Variants in DLGAP1 observed in about 807,000 individuals in gnomAD.
DLGAP1 encodes the protein DLG associated protein 1.
DLGAP1 carries 11 observed loss-of-function variants against 90.8 expected under a neutral mutation model. The ratio of observed to expected loss-of-function variants is 0.12; its 90% CI spans 0.08 to 0.20. DLGAP1 has a LOEUF of 0.20. Among genes scored for constraint, DLGAP1 ranks in the 10% least tolerant of loss-of-function variants. The pLI is 1.00. For synonymous variants in DLGAP1, 558 were observed against 540.7 expected, an observed-to-expected ratio of 1.03 and a Z score of -0.44; for missense variants, 1,050 against 1,333.8, an observed-to-expected ratio of 0.79 and a Z score of 3.31.
chr18:3,870,500 CA>C (rs1399291712), intron 4 of DLGAP1, among the ~76,000 whole-genome samples: 1 of 152,150 alleles, frequency 6.6e-6, no homozygotes, highest in Non-Finnish European at 1.5e-5. Flanking sequence ...CTATTCCTCT[CA>C]GATTTGCTGC....
chr18:4,191,684 T>C (rs1481171995), intron 1 of DLGAP1, among the ~76,000 whole-genome samples: 6 of 152,210 alleles, frequency 3.9e-5, no homozygotes, highest in African/African-American at 1.4e-4. Context: ...CTGTGGCTAA[T>C]TGTCCCCCAT....
intron 4 of DLGAP1, among the ~76,000 whole-genome samples, chr18:3,858,335 G>T (rs932543516): frequency 6.6e-6 from 1 of 151,858 alleles, no homozygotes; most frequent in Non-Finnish European, 1.5e-5. Flanking sequence ...CTCCTCCCAG[G>T]TTGGTGAGAG....
At chr18:4,369,409 T>C (rs1044594646) in intron 1 of DLGAP1, among the ~76,000 whole-genome samples, 2 of 152,202 alleles carry the variant, frequency 1.3e-5, no homozygotes, top group African/African-American at 4.8e-5. Context: ...CGGATTATAA[T>C]TGTAATCAAG....
chr18:3,691,914 T>G (rs769634522), intron 7 of DLGAP1, among the ~76,000 whole-genome samples: 339 of 152,102 alleles, frequency 2.2e-3, no homozygotes, highest in Admixed American at 4.9e-3. Flanking sequence ...AGCAAGACCC[T>G]GTCTCAAAAA....
rs180980970 is a variant in DLGAP1, at chr18:4,231,558, A to G, written c.-266-80271T>C. ...TAAAGACTACCACTCCCACTGTGTG[A>G]TCTCTCTGTTAGAGCTCTAGCCCTC... On this transcript the variant is annotated intron_variant, in intron 1 of 12. Transcript: ENST00000315677. Among the ~76,000 whole-genome samples, 133 of 152,194 alleles carry G rather than the reference A, an allele frequency of 8.7e-4. 5 individuals carry two copies. Among genetic ancestry groups the G allele is most frequent in the Admixed American group, 7.4e-3 (113 of 15,270 alleles).
chr18:3,946,052 C>T (rs1301269187), intron 3 of DLGAP1, among the ~76,000 whole-genome samples: 2 of 151,524 alleles, frequency 1.3e-5, no homozygotes, highest in African/African-American at 4.8e-5. Context: ...TGGTAGAAAG[C>T]TATCATAGGT....
At chr18:4,435,814 C>T (rs545256155) in intron 1 of DLGAP1, among the ~76,000 whole-genome samples, 88 of 152,280 alleles carry the variant, frequency 5.8e-4, no homozygotes, top group Admixed American at 4.8e-3. Flanking sequence ...AACTGCAAAA[C>T]ATTCAAAGCC....
chr18:4,179,105 C>T (rs2077165088), intron 1 of DLGAP1, among the ~76,000 whole-genome samples: 1 of 152,106 alleles, frequency 6.6e-6, no homozygotes, highest in East Asian at 1.9e-4. Flanking sequence ...GACAACAAAG[C>T]AGAGATTAAA....
intron 2 of DLGAP1, among the ~76,000 whole-genome samples, chr18:4,124,213 G>C (rs1389803655): frequency 6.6e-6 from 1 of 152,080 alleles, no homozygotes; most frequent in African/African-American, 2.4e-5. Context: ...CTTGTAATAT[G>C]CTTTCTCCTA....
At chr18:4,168,379 C>T (rs1385411754) in intron 1 of DLGAP1, among the ~76,000 whole-genome samples, 1 of 152,136 alleles carries the variant, frequency 6.6e-6, no homozygotes, top group Non-Finnish European at 1.5e-5. Context: ...AATTAACCAT[C>T]TATAAGCAAA....
intron 1 of DLGAP1, among the ~76,000 whole-genome samples, chr18:4,305,472 TGCAGTGA>T (rs541428995): frequency 0.25 from 36,061 of 145,310 alleles, 6,427 homozygotes; most frequent in African/African-American, 0.51. Flanking sequence ...AGGTGGAGGC[TGCAGTGA>T]GCCGAGATCG....
intron 1 of DLGAP1, among the ~76,000 whole-genome samples, chr18:4,273,539 C>G (rs1049067182): frequency 2.0e-5 from 3 of 152,312 alleles, no homozygotes; most frequent in African/African-American, 7.2e-5. Flanking sequence ...AACTCCCGGG[C>G]TCAAGCAATC....
intron 1 of DLGAP1, among the ~76,000 whole-genome samples, chr18:4,224,869 G>C (rs979826376): frequency 1.8e-4 from 27 of 152,132 alleles, no homozygotes; most frequent in African/African-American, 6.5e-4. Flanking sequence ...TAGCAAGAAA[G>C]TATTTACAGT....
chr18:3,548,069 T>A (rs79256100), intron 9 of DLGAP1, among the ~76,000 whole-genome samples: 2,497 of 152,244 alleles, frequency 0.016, 72 homozygotes, highest in African/African-American at 0.057. Context: ...AGCAAACCGA[T>A]TAGCAGTTAC....
At chr18:3,867,507 C>T (rs2070473167) in intron 4 of DLGAP1, among the ~76,000 whole-genome samples, 1 of 152,100 alleles carries the variant, frequency 6.6e-6, no homozygotes, top group Non-Finnish European at 1.5e-5. Context: ...AAATTAACCA[C>T]TGGTATGGGT....
At chr18:3,624,685 A>C (rs2058226078) in intron 7 of DLGAP1, among the ~76,000 whole-genome samples, 2 of 152,180 alleles carry the variant, frequency 1.3e-5, no homozygotes, top group African/African-American at 4.8e-5. Flanking sequence ...AGAAATCCCC[A>C]AAAGTCATGA....
chr18:4,368,772 G>A (rs908551843), intron 1 of DLGAP1, among the ~76,000 whole-genome samples: 1 of 22,612 alleles, frequency 4.4e-5, no homozygotes, highest in Non-Finnish European at 1.2e-4. Context: ...ATTACTAAAG[G>A]TTTTAAATAA....
chr18:3,978,535 T>C (rs912578007), intron 3 of DLGAP1: 3 of 239,186 alleles, frequency 1.3e-5, no homozygotes, highest in African/African-American at 2.3e-5. Flanking sequence ...CAATATCCAC[T>C]TTACCAGAGT....
intron 5 of DLGAP1, among the ~76,000 whole-genome samples, chr18:3,790,903 G>A (rs1270542769): frequency 6.6e-6 from 1 of 152,188 alleles, no homozygotes; most frequent in Non-Finnish European, 1.5e-5. Context: ...CCCTGAACTT[G>A]CTTTCAGCAT....
Sources: allele counts gnomAD v4.1 joint callset (sites outside exome capture counted in the v4.1 genomes callset), GRCh38; gene constraint gnomAD v4.1.1; transcripts MANE v1.5; gene names NCBI Gene and HGNC (gene_info 2026-07-23, HGNC 2026-07-21).